Variants in TCTN2 observed in about 807,000 individuals in gnomAD.
TCTN2 encodes the protein tectonic-2.
Under a neutral mutation model 83.4 loss-of-function variants are expected in TCTN2, and 66 were observed. The ratio of observed to expected loss-of-function variants is 0.79; its 90% confidence interval spans 0.65 to 0.97. The LOEUF (loss-of-function observed/expected upper bound fraction) is 0.97, where lower values mean the gene tolerates loss of function less well. TCTN2 is among the 50% of genes least tolerant of loss of function. TCTN2 has a pLI of 0.00. For synonymous variants in TCTN2, 301 were observed against 326.7 expected (o/e 0.92, Z 0.85); for missense variants, 794 against 858.1 (o/e 0.93, Z 0.93).
intron 2 of TCTN2, 60 bp downstream of exon 2, chr12:123,671,674 G>A: frequency 6.7e-7 from 1 of 1,495,106 alleles, no homozygotes. Context: ...ACCTCCCAAG[G>A]AGCCTGGAGA....
At chr12:123,692,844 GA>G (rs1956060060) in intron 9 of TCTN2, 121 bp downstream of exon 9, 2 of 801,430 alleles carry the variant, frequency 2.5e-6, no homozygotes, top group Non-Finnish European at 2.1e-6. Context: ...ACAATAGTTA[GA>G]AAGATCTGCC....
chr12:123,697,243 C>G (rs776929466), intron 13 of TCTN2, 45 bp downstream of exon 13: 1 of 1,378,088 alleles, frequency 7.3e-7, no homozygotes. Flanking sequence ...GAATGGTTTG[C>G]CTAGAATTAA....
intron 4 of TCTN2, among the ~76,000 whole-genome samples, chr12:123,675,978 T>G (rs1955815563): frequency 6.6e-6 from 1 of 152,184 alleles, no homozygotes; most frequent in Admixed American, 6.6e-5. Context: ...CTGACTTTTT[T>G]CCTTTGAGAA....
intron 3 of TCTN2, among the ~76,000 whole-genome samples, chr12:123,673,127 A>T (rs7975119): frequency 0.36 from 54,357 of 152,110 alleles, 10,195 homozygotes; most frequent in African/African-American, 0.41. Flanking sequence ...GGAGAGATTA[A>T]GCATCTTCTA....
chr12:123,699,861 C>A (rs1448777038), intron 14 of TCTN2, 51 bp downstream of exon 14: 2 of 1,443,434 alleles, frequency 1.4e-6, no homozygotes, highest in Non-Finnish European at 2.0e-6. Flanking sequence ...GCTGTGACTA[C>A]CAACTGTAGT....
At position 123,672,070 on chromosome 12, in the gene TCTN2, C is replaced by A; in HGVS notation, c.205C>A (p.Pro69Thr). Reference protein sequence around the residue: ...LQDEAGILPIPTCGVLNNETE... With the variant: ...LQDEAGILPITTCGVLNNETE... ...TCTTTCTTTAGGAATATTGCCAATT[C>A]CGACGTGTGGAGTGCTGAACAATGA... is the stretch of plus-strand genomic sequence containing the variant. Residue 69 changes from proline (P) to threonine (T), a missense_variant, in exon 3 of 18, where the codon CCG (proline) becomes ACG (threonine). Transcript: ENST00000303372. 6.2e-7 allele frequency: 1 copy of A among 1,614,140 alleles called. No homozygotes were observed. Among genetic ancestry groups the A allele is most frequent in the Non-Finnish European group, 8.5e-7 (1 of 1,180,020 alleles).
intron 11 of TCTN2, 45 bp from the exon 12 acceptor site, chr12:123,696,370 A>G (rs369754438): frequency 5.9e-5 from 88 of 1,489,428 alleles, no homozygotes; most frequent in African/African-American, 1.1e-4. Flanking sequence ...AGGGCTTGCT[A>G]TGCTGGAGGA....
At chr12:123,676,861 A>G (rs1955829337) in intron 4 of TCTN2, among the ~76,000 whole-genome samples, 3 of 152,188 alleles carry the variant, frequency 2.0e-5, no homozygotes, top group Admixed American at 2.0e-4. Flanking sequence ...TATAACACAT[A>G]GTAAAACCCT....
In TCTN2 at chr12:123,693,751, G is replaced by T. The variant is rs139728211; in HGVS notation, c.1099+1028G>T. Among the ~76,000 whole-genome samples, 1,236 of 151,856 alleles carry T rather than the reference G, an allele frequency of 8.1e-3. 12 individuals carry two copies. The highest frequency in any genetic ancestry group is 0.028 in the African/African-American group (1,167 of 41,418). On this transcript the variant is annotated intron_variant, in intron 9 of 17. Transcript: ENST00000303372. ...TTACAGGCGTGAGCCACGGCGACTG[G>T]CTCAGTTTGGCTAATTTTACCAGAA...
intron 14 of TCTN2, among the ~76,000 whole-genome samples, chr12:123,702,791 G>A (rs1379669150): frequency 1.3e-5 from 2 of 152,228 alleles, no homozygotes; most frequent in African/African-American, 2.4e-5. Context: ...AATCAGTGTG[G>A]TGATGACATT....
At chr12:123,672,226 C>G in intron 3 of TCTN2, 94 bp downstream of exon 3, 4 of 1,078,430 alleles carry the variant, frequency 3.7e-6, no homozygotes, top group Non-Finnish European at 5.7e-6. Context: ...GCATGGCTTT[C>G]TCCATGCTCT....
intron 5 of TCTN2, among the ~76,000 whole-genome samples, chr12:123,681,256 C>CA (rs71088946): frequency 4.9e-5 from 7 of 142,868 alleles, no homozygotes; most frequent in South Asian, 2.2e-4. Flanking sequence ...GACTCTCTTT[C>CA]AAAAAAAAAG....
At chr12:123,674,131 T>C (rs1163440581) in intron 4 of TCTN2, among the ~76,000 whole-genome samples, 1 of 152,248 alleles carries the variant, frequency 6.6e-6, no homozygotes, top group East Asian at 1.9e-4. Context: ...CTTATTTTTC[T>C]TTTGTTTAGT....
chr12:123,702,886 AGAAGT>A (rs1956188452), intron 14 of TCTN2, among the ~76,000 whole-genome samples: 1 of 152,210 alleles, frequency 6.6e-6, no homozygotes, highest in East Asian at 1.9e-4. Context: ...TAAGCAGAAG[AGAAGT>A]GGTGTTGACA....
chr12:123,694,942 A>C lies in TCTN2; in HGVS notation c.1200A>C (p.Lys400Asn). 6.2e-7 allele frequency: 1 copy of C among 1,613,810 alleles called. No individual in the cohort carries two copies. The highest frequency in any genetic ancestry group is 8.5e-7 in the Non-Finnish European group (1 of 1,179,754). Residue 400 changes from lysine to asparagine, a missense_variant, in exon 10 of 18, where the codon AAA becomes AAC. Lys to Asn is a moderately conservative substitution (Grantham distance 94, BLOSUM62 0). Transcript: ENST00000303372. ...NNNTISEINV[K>N]IFRAEINAHQ... ...ATACCATCAGTGAAATAAATGTTAAAATTTTTAGGGCAGAGATTAATGCCC... is the reference window on the plus strand; with the variant it reads ...ATACCATCAGTGAAATAAATGTTAACATTTTTAGGGCAGAGATTAATGCCC...
intron 1 of TCTN2, 23 bp downstream of exon 1, chr12:123,671,345 C>T (rs887344995): frequency 4.3e-6 from 7 of 1,611,798 alleles, no homozygotes; most frequent in African/African-American, 2.7e-5. Flanking sequence ...CGGCAGTGAC[C>T]TCGGTGGGCC....
At chr12:123,696,322 C>CT in intron 11 of TCTN2, 93 bp from the exon 12 acceptor site, 1 of 1,092,032 alleles carries the variant, frequency 9.2e-7, no homozygotes. Flanking sequence ...TATGTGTTTT[C>CT]TTTCCTTGTG....
chr12:123,704,491 A>G, intron 14 of TCTN2, 41 bp from the exon 15 acceptor site: 1 of 1,568,774 alleles, frequency 6.4e-7, no homozygotes, highest in Non-Finnish European at 8.6e-7. Context: ...AAAACTTATC[A>G]AATTATTCTT....
intron 11 of TCTN2, 122 bp from the exon 12 acceptor site, chr12:123,696,293 T>A (rs1956107515): frequency 1.3e-6 from 1 of 794,198 alleles, no homozygotes; most frequent in South Asian, 1.4e-5. Flanking sequence ...CTCTCAAGGG[T>A]ATTTTCGAAA....
Sources: allele counts gnomAD v4.1 joint callset (sites outside exome capture counted in the v4.1 genomes callset), GRCh38; gene constraint gnomAD v4.1.1; transcripts MANE v1.5; gene names NCBI Gene and HGNC (gene_info 2026-07-23, HGNC 2026-07-21).